Variants in NR6A1 observed in about 807,000 individuals in gnomAD.
The protein encoded by NR6A1 is retinoic acid receptor-related testis-associated receptor.
NR6A1 carries 7 observed loss-of-function variants against 59.1 expected under a neutral mutation model. That is an observed-to-expected ratio of 0.12 (90% CI 0.07 to 0.22). NR6A1 has a LOEUF of 0.22. Among genes scored for constraint, NR6A1 ranks in the 10% least tolerant of loss-of-function variants. The pLI is 1.00. For synonymous variants in NR6A1, 243 were observed against 236.1 expected (o/e 1.03, Z -0.27); for missense variants, 468 against 611.6 (o/e 0.77, Z 2.48).
chr9:124,638,010 T>A (rs1261848674), intron 2 of NR6A1, among the ~76,000 whole-genome samples: 1 of 151,788 alleles, frequency 6.6e-6, no homozygotes, highest in Non-Finnish European at 1.5e-5. Flanking sequence ...TGTGGGAGGC[T>A]TAGGCAGGAG....
intron 1 of NR6A1, among the ~76,000 whole-genome samples, chr9:124,735,474 G>C (rs575076837): frequency 1.3e-5 from 2 of 152,162 alleles, no homozygotes; most frequent in African/African-American, 4.8e-5. Flanking sequence ...TGAAATGCAG[G>C]ATCAACTAAA....
At chr9:124,627,466 G>A (rs940766533) in intron 2 of NR6A1, among the ~76,000 whole-genome samples, 3 of 152,194 alleles carry the variant, frequency 2.0e-5, no homozygotes, top group Admixed American at 6.5e-5. Context: ...AGGAGATTAT[G>A]GAAATCCACA....
chr9:124,758,384 T>C (rs1440680950), intron 1 of NR6A1, among the ~76,000 whole-genome samples: 1 of 152,192 alleles, frequency 6.6e-6, no homozygotes, highest in Non-Finnish European at 1.5e-5. Context: ...CGTTCTCAAA[T>C]GAAGCGCATT....
intron 2 of NR6A1, among the ~76,000 whole-genome samples, chr9:124,701,646 G>C (rs1287733896): frequency 6.6e-6 from 1 of 152,078 alleles, no homozygotes; most frequent in East Asian, 1.9e-4. Context: ...TATATTTTTT[G>C]TTAATTTCTA....
At chr9:124,574,905 G>C (rs1301940128) in intron 2 of NR6A1, among the ~76,000 whole-genome samples, 2 of 152,132 alleles carry the variant, frequency 1.3e-5, no homozygotes, top group Non-Finnish European at 1.5e-5. Context: ...AAAGATAATG[G>C]GTTAATATTA....
At chr9:124,753,495 A>C (rs1840560361) in intron 1 of NR6A1, among the ~76,000 whole-genome samples, 1 of 152,252 alleles carries the variant, frequency 6.6e-6, no homozygotes, top group Non-Finnish European at 1.5e-5. Flanking sequence ...TGATACAGGA[A>C]AAACTGAAGA....
At chr9:124,624,803 G>A (rs527613389) in intron 2 of NR6A1, among the ~76,000 whole-genome samples, 2 of 152,204 alleles carry the variant, frequency 1.3e-5, no homozygotes, top group African/African-American at 4.8e-5. Context: ...CATTGCATTA[G>A]TGCCCTTCCT....
chr9:124,688,334 GAA>G (rs1230114170), intron 2 of NR6A1, among the ~76,000 whole-genome samples: 2 of 137,512 alleles, frequency 1.5e-5, no homozygotes, highest in East Asian at 4.2e-4. Flanking sequence ...CTTTAAAAAA[GAA>G]AAAAAAAAAA....
At chr9:124,742,838 T>C (rs1840214741) in intron 1 of NR6A1, among the ~76,000 whole-genome samples, 1 of 152,208 alleles carries the variant, frequency 6.6e-6, no homozygotes, top group Non-Finnish European at 1.5e-5. Flanking sequence ...ATGGTGCCAC[T>C]GCACTCCAGC....
At chr9:124,568,761 A>C (rs1351963124) in intron 2 of NR6A1, among the ~76,000 whole-genome samples, 1 of 151,872 alleles carries the variant, frequency 6.6e-6, no homozygotes, top group African/African-American at 2.4e-5. Context: ...TTCCCATTAC[A>C]TAAACTACCT....
chr9:124,705,822 C>G (rs1057264566), intron 2 of NR6A1, among the ~76,000 whole-genome samples: 2 of 150,660 alleles, frequency 1.3e-5, no homozygotes, highest in African/African-American at 2.4e-5. Context: ...GTTGCCCAGG[C>G]TGGAGTGCAG....
chr9:124,672,634 T>A lies in NR6A1; in HGVS notation c.142+60674A>T, dbSNP rs936450278. 5.0e-4 allele frequency among the ~76,000 whole-genome samples: 76 copies of A among 152,116 alleles called. 1 individual carries two copies. The highest frequency in any genetic ancestry group is 1.8e-3 in the African/African-American group (74 of 41,510). The stretch of plus-strand genomic sequence containing the variant: ...CGTTTCAAAAAAAAAAAAGAATTGC[T>A]TAAGTTCAAGTTTCCCAGATGCTAC... On this transcript the variant is annotated intron_variant, in intron 2 of 9. Transcript: ENST00000487099.
intron 2 of NR6A1, among the ~76,000 whole-genome samples, chr9:124,625,777 G>T (rs1341116556): frequency 4.6e-5 from 7 of 152,160 alleles, no homozygotes; most frequent in African/African-American, 1.7e-4. Flanking sequence ...GAGTAAAGCA[G>T]ATTGCCCTCC....
intron 2 of NR6A1, among the ~76,000 whole-genome samples, chr9:124,602,588 A>G (rs1193921074): frequency 1.3e-5 from 2 of 152,118 alleles, no homozygotes; most frequent in Admixed American, 6.5e-5. Flanking sequence ...TTCCAAGCCA[A>G]CTCTGGTTTC....
At chr9:124,545,566 C>G (rs565254591) in intron 3 of NR6A1, among the ~76,000 whole-genome samples, 4 of 152,172 alleles carry the variant, frequency 2.6e-5, no homozygotes, top group African/African-American at 9.7e-5. Flanking sequence ...AATCGCTTCT[C>G]TGCTGTTCCA....
chr9:124,627,882 C>CTTTTTT (rs59874800), intron 2 of NR6A1, among the ~76,000 whole-genome samples: 1 of 83,738 alleles, frequency 1.2e-5, no homozygotes, highest in Non-Finnish European at 2.4e-5. Flanking sequence ...CTGAGATTTT[C>CTTTTTT]TTTTTTTTTT....
chr9:124,721,915 T>G (rs1564253794), intron 2 of NR6A1, among the ~76,000 whole-genome samples: 2 of 152,194 alleles, frequency 1.3e-5, no homozygotes, highest in Non-Finnish European at 1.5e-5. Context: ...TACTTTGGGG[T>G]GAGTCATTTA....
At chr9:124,558,425 A>T (rs1833986800) in intron 2 of NR6A1, among the ~76,000 whole-genome samples, 1 of 151,994 alleles carries the variant, frequency 6.6e-6, no homozygotes, top group Non-Finnish European at 1.5e-5. Flanking sequence ...AACTAATTCA[A>T]AAGGGAGTTT....
Position 124,770,929 on chromosome 9 carries a change from G to A in NR6A1, c.100+91C>T, listed in dbSNP as rs1645607474. 5 of 751,950 alleles carry A rather than the reference G, an allele frequency of 6.6e-6. No individual in the cohort carries two copies. The East Asian group carries it at 1.7e-4, about 26-fold the overall frequency. The allele number at this position is 751,950 out of a possible 1,614,324, so 46.6% of individuals were successfully genotyped here. A position where few individuals can be genotyped will look rare whatever the true frequency, so the allele number is the denominator to read the frequency against. On this transcript the variant is annotated intron_variant, in intron 1 of 9. Transcript: ENST00000487099. The stretch of plus-strand genomic sequence containing the variant: ...CCGCGGGGCCGCTGCGGCTTCCCAG[G>A]GCGAGGGTCGGCAGAGAGGAGGGGG...
Sources: gnomAD v4.1 joint callset for allele counts (sites outside exome capture counted in the v4.1 genomes callset) on GRCh38, gnomAD v4.1.1 for gene constraint, MANE v1.5 for transcripts, NCBI Gene and HGNC (gene_info 2026-07-23, HGNC 2026-07-21) for gene names.